The following LRRK1 variants were observed in gnomAD, a reference collection of about 807,000 sequenced individuals.
LRRK1 encodes the protein leucine-rich repeat serine/threonine-protein kinase 1.
Under a neutral mutation model 209.1 loss-of-function variants are expected in LRRK1, and 113 were observed. The ratio of observed to expected loss-of-function variants is 0.54; its 90% CI spans 0.46 to 0.63. The LOEUF (loss-of-function observed/expected upper bound fraction) is 0.63, where lower values mean the gene tolerates loss of function less well. Among genes scored for constraint, LRRK1 ranks in the 30% least tolerant of loss-of-function variants. The pLI is 0.00. For missense variants in LRRK1, 2,284 were observed against 2,632.2 expected, an observed-to-expected ratio of 0.87 and a Z score of 2.89; for synonymous variants, 1,144 against 1,099.7, an observed-to-expected ratio of 1.04 and a Z score of -0.80.
intron 30 of LRRK1, among the ~76,000 whole-genome samples, chr15:101,061,536 T>C (rs1309450534): frequency 6.6e-6 from 1 of 152,130 alleles, no homozygotes; most frequent in Non-Finnish European, 1.5e-5. Context: ...GAGGACCAGA[T>C]GTAGACCCTC....
At chr15:101,014,247 C>G (rs930446099) in intron 10 of LRRK1, 69 bp from the exon 11 acceptor site, 3 of 1,143,620 alleles carry the variant, frequency 2.6e-6, no homozygotes, top group Non-Finnish European at 2.6e-6. Context: ...CTGACTGGCT[C>G]TTCAGTCTCC....
At chr15:101,067,945 A>G (rs2036625747) in intron 33 of LRRK1, among the ~76,000 whole-genome samples, 1 of 152,222 alleles carries the variant, frequency 6.6e-6, no homozygotes, top group South Asian at 2.1e-4. Context: ...TCCTCCCCTA[A>G]GGGGAGGTCC....
chr15:101,013,176 G>T (rs7172372), intron 10 of LRRK1, among the ~76,000 whole-genome samples: 77,081 of 151,638 alleles, frequency 0.51, 20,415 homozygotes, highest in African/African-American at 0.64. Context: ...GGGGGCTTGG[G>T]GGACCCTGAG....
intron 7 of LRRK1, among the ~76,000 whole-genome samples, chr15:101,009,832 T>C (rs2033149428): frequency 6.6e-6 from 1 of 152,162 alleles, no homozygotes; most frequent in Non-Finnish European, 1.5e-5. Flanking sequence ...ATGATCCGCC[T>C]GCCTCGGCCT....
chr15:101,045,920 T>C, intron 20 of LRRK1, 61 bp from the exon 21 acceptor site: 10 of 1,450,014 alleles, frequency 6.9e-6, no homozygotes, highest in Non-Finnish European at 9.7e-6. Flanking sequence ...TCTGCTGGGG[T>C]CAGGGCCCTG....
rs949401800 is a variant in LRRK1 at position 101,077,781 on chromosome 15, C to T, written c.*8933C>T. The T allele has an allele frequency of 2.6e-5, 4 of 152,074 alleles. No homozygotes were observed. Among genetic ancestry groups the T allele is most frequent in the Non-Finnish European group, 5.9e-5 (4 of 68,018 alleles). The allele number at this position is 152,074 out of a possible 1,614,324, so 9.4% of individuals were successfully genotyped here. A position where few individuals can be genotyped will look rare whatever the true frequency, so the allele number is the denominator to read the frequency against. The stretch of plus-strand genomic sequence containing the variant: ...CACCGCCCCCCAAAAATTTTCGCTG[C>T]CCCAACACTTCGACACTATTTTGTT... On this transcript the variant is annotated 3_prime_UTR_variant, in exon 34 of 34. Coordinates refer to ENST00000388948, the MANE Select transcript of LRRK1 (RefSeq NM_024652.6).
At chr15:100,998,979 C>T (rs1020642131) in intron 6 of LRRK1, among the ~76,000 whole-genome samples, 1 of 152,184 alleles carries the variant, frequency 6.6e-6, no homozygotes, top group African/African-American at 2.4e-5. Flanking sequence ...CGTAGGGCCT[C>T]ATAGCTTTAA....
chr15:100,957,913 T>G (rs758444111), intron 2 of LRRK1, among the ~76,000 whole-genome samples: 9 of 152,252 alleles, frequency 5.9e-5, no homozygotes, highest in Non-Finnish European at 1.0e-4. Flanking sequence ...TCACCCTGGC[T>G]GGAGTGCAGT....
At chr15:100,926,680 C>CTTTTTTTTTTTTTTTTTTTTTTTTTTCT (rs71151990) in intron 2 of LRRK1, among the ~76,000 whole-genome samples, 2 of 81,846 alleles carry the variant, frequency 2.4e-5, no homozygotes, top group African/African-American at 5.5e-5. Flanking sequence ...TTCTTTTTTT[C>CTTTTTTTTTTTTTTTTTTTTTTTTTTCT]TTTTTTTTTT....
intron 4 of LRRK1, among the ~76,000 whole-genome samples, chr15:100,984,210 A>G (rs887440357): frequency 6.9e-6 from 1 of 143,902 alleles, no homozygotes; most frequent in Non-Finnish European, 1.5e-5. Context: ...AACAAAGCTC[A>G]GAGAGGTGAC....
Position 101,009,202 on chromosome 15 carries a change from C to T in LRRK1, c.989+139C>T, listed in dbSNP as rs1023875565. ...AATAGGAGAAGGAGTTTTGCCTACC[C>T]TGAGGCAAGCCTCCCTTTCAGGTTA... On this transcript the variant is annotated intron_variant, in intron 7 of 33. Coordinates refer to ENST00000388948, the MANE Select transcript of LRRK1 (RefSeq NM_024652.6). The T allele has an allele frequency of 1.0e-5, 7 of 682,998 alleles. No individual in the cohort carries two copies. In the Middle Eastern group the frequency reaches 2.0e-3, roughly 197 times the overall value. 42.3% of individuals were successfully genotyped at this position (682,998 alleles called of 1,614,324 possible).
intron 2 of LRRK1, among the ~76,000 whole-genome samples, chr15:100,951,528 G>C (rs1033806800): frequency 6.7e-6 from 1 of 150,166 alleles, no homozygotes; most frequent in Non-Finnish European, 1.5e-5. Flanking sequence ...TAACCAAAAA[G>C]TGGAAAAACC....
In LRRK1 at chr15:101,070,099, C is replaced by A. The variant is rs2036735323; in HGVS notation, c.*1251C>A. On this transcript the variant is annotated 3_prime_UTR_variant, in exon 34 of 34. Transcript: ENST00000388948. ...CTTTTAATCTCAAAATAAACAGATT[C>A]TTTCAAGAACGAAGCTGTGGCCTCT... 1 of 152,152 alleles carries A rather than the reference C, an allele frequency of 6.6e-6. No individual in the cohort carries two copies. Among genetic ancestry groups the A allele is most frequent in the African/African-American group, 2.4e-5 (1 of 41,416 alleles). The allele number at this position is 152,152 out of a possible 1,614,324, so 9.4% of individuals were successfully genotyped here.
intron 2 of LRRK1, 94 bp from the exon 3 acceptor site, chr15:100,973,710 G>A (rs2031102314): frequency 5.9e-6 from 7 of 1,180,328 alleles, no homozygotes; most frequent in South Asian, 8.4e-5. Context: ...TCGTGCAACG[G>A]GCCGCGCCGC....
rs560090431 is a variant in LRRK1, at chr15:101,027,714, A to T, written c.2603A>T (p.Gln868Leu). Residue 868 changes from glutamine (Q) to leucine (L), a missense_variant, in exon 19 of 34, where the codon CAG becomes CTG. Gln to Leu is a moderately radical substitution (Grantham distance 113). Coordinates refer to ENST00000388948, the MANE Select transcript of LRRK1 (RefSeq NM_024652.6). This position sits in a 1 kb window ranked among gnomAD's most constrained non-coding sequence, Gnocchi z 5.1. Reference sequence around the variant, plus strand: ...CGCCGCAGCCGGGACGACGACGTGCAGTACCTGACGGACAGGCAGCTGGAG... The same window carrying T: ...CGCCGCAGCCGGGACGACGACGTGCTGTACCTGACGGACAGGCAGCTGGAG... The part of the protein sequence containing the change: ...QQRRSRDDDV[Q>L]YLTDRQLEQL... 6 of 1,612,612 alleles carry T rather than the reference A, an allele frequency of 3.7e-6. No individual in the cohort carries two copies. Among genetic ancestry groups the T allele is most frequent in the African/African-American group, 1.3e-5 (1 of 75,052 alleles).
At chr15:100,953,581 T>C (rs2042698572) in intron 2 of LRRK1, among the ~76,000 whole-genome samples, 1 of 151,910 alleles carries the variant, frequency 6.6e-6, no homozygotes. Context: ...TCTCCATCTG[T>C]CAAAGGACAC....
At chr15:101,052,892 G>A (rs761222910) in intron 24 of LRRK1, 30 bp from the exon 25 acceptor site, 12 of 1,596,004 alleles carry the variant, frequency 7.5e-6, no homozygotes, top group Middle Eastern at 1.7e-4. Context: ...GGGCGGGGGG[G>A]ATGTGGCTGA....
Position 101,027,867 on chromosome 15 carries a change from C to G in LRRK1, c.2686+70C>G, listed in dbSNP as rs1345360338. 1.8e-5 allele frequency: 26 copies of G among 1,415,782 alleles called. No individual in the cohort carries two copies. The highest frequency in any genetic ancestry group is 3.6e-4 in the Middle Eastern group (2 of 5,510). 87.7% of individuals were successfully genotyped at this position (1,415,782 alleles called of 1,614,324 possible). A position where few individuals can be genotyped will look rare whatever the true frequency, so the allele number is the denominator to read the frequency against. On this transcript the variant is annotated intron_variant, in intron 19 of 33. Transcript: ENST00000388948. This position sits in a 1 kb window ranked among gnomAD's most constrained non-coding sequence, Gnocchi z 5.1. ...AACTGTCTGTACTTGCTAACTTCAG[C>G]TTGGCCTCAGTAATGAATGAGAGAC...
Position 101,068,246 on chromosome 15 carries a change from G to A in LRRK1, c.5871-425G>A, listed in dbSNP as rs187043443. Among the ~76,000 whole-genome samples, 903 of 152,296 alleles carry A rather than the reference G, an allele frequency of 5.9e-3. 7 individuals are homozygous for A. The highest frequency in any genetic ancestry group is 0.021 in the African/African-American group (860 of 41,560). On this transcript the variant is annotated intron_variant, in intron 33 of 33. Transcript: ENST00000388948. Reference sequence around the variant, plus strand: ...TGATCCTGTATTTCCTAAGCCTGTAGAAACAGAATGAGAGAAGAATCTTAC... The same window carrying A: ...TGATCCTGTATTTCCTAAGCCTGTAAAAACAGAATGAGAGAAGAATCTTAC...
Sources: allele counts gnomAD v4.1 joint callset (sites outside exome capture counted in the v4.1 genomes callset), GRCh38; gene constraint gnomAD v4.1.1; non-coding constraint Gnocchi (gnomAD v3.1); transcripts MANE v1.5; gene names NCBI Gene and HGNC (gene_info 2026-07-23, HGNC 2026-07-21).